PSD3: variants seen among roughly 807,000 people sequenced by gnomAD.
PSD3 encodes PH and SEC7 domain-containing protein 3.
PSD3 carries 49 observed loss-of-function variants against 105.5 expected under a neutral mutation model. That is an observed-to-expected ratio of 0.46 (90% CI 0.37 to 0.59). PSD3 has a LOEUF of 0.59. PSD3 is among the 20% of genes least tolerant of loss of function. The probability of loss-of-function intolerance (pLI) is 0.00; values close to 1 mark genes in which losing one functional copy is unlikely to be tolerated. For missense variants in PSD3, 1,561 were observed against 1,263.8 expected (o/e 1.24, Z -3.57); for synonymous variants, 557 against 457.8 (o/e 1.22, Z -2.77).
chr8:19,079,152 G>C (rs1005140785), intron 1 of PSD3, among the ~76,000 whole-genome samples: 8 of 152,076 alleles, frequency 5.3e-5, no homozygotes, highest in African/African-American at 1.9e-4. Context: ...AAAAGAGCAA[G>C]AGAACGTTGT....
intron 8 of PSD3, among the ~76,000 whole-genome samples, chr8:18,780,171 G>A (rs1209562408): frequency 6.6e-6 from 1 of 152,160 alleles, no homozygotes; most frequent in Non-Finnish European, 1.5e-5. Context: ...TACCATTATA[G>A]AATTACCTTC....
intron 1 of PSD3, among the ~76,000 whole-genome samples, chr8:19,067,876 T>G (rs187146794): frequency 6.6e-6 from 1 of 152,324 alleles, no homozygotes; most frequent in East Asian, 1.9e-4. Flanking sequence ...TATCTACCCA[T>G]GCACTCTATC....
chr8:19,009,045 T>G (rs1826833922), intron 1 of PSD3, among the ~76,000 whole-genome samples: 1 of 152,230 alleles, frequency 6.6e-6, no homozygotes, highest in Admixed American at 6.5e-5. Flanking sequence ...CCATTTTAAT[T>G]TGTTAATCTG....
At chr8:18,997,276 ATC>A (rs1051369789) in intron 1 of PSD3, among the ~76,000 whole-genome samples, 9 of 151,646 alleles carry the variant, frequency 5.9e-5, no homozygotes, top group African/African-American at 2.2e-4. Context: ...GCTTCTCCCT[ATC>A]TCAGTTAATG....
Position 18,836,039 on chromosome 8 carries a change from T to C in PSD3, c.1635-31141A>G, listed in dbSNP as rs569847108. Among the ~76,000 whole-genome samples the C allele has an allele frequency of 1.8e-4, 28 of 152,236 alleles. No individual in the cohort carries two copies. The South Asian group carries it at 5.6e-3, about 30-fold the overall frequency. On this transcript the variant is annotated intron_variant, in intron 4 of 15. Transcript: ENST00000327040. ...CTGGATCACTTGAATGAGAGTAGCA[T>C]TCAGAGTGGTAACACAGTTGAGATA...
chr8:18,750,876 A>G (rs1805426048), intron 9 of PSD3, among the ~76,000 whole-genome samples: 1 of 151,888 alleles, frequency 6.6e-6, no homozygotes, highest in South Asian at 2.1e-4. Flanking sequence ...GTATTTACAA[A>G]CCTTGAGCTA....
At chr8:18,676,634 G>C (rs1249489598) in intron 9 of PSD3, among the ~76,000 whole-genome samples, 1 of 152,218 alleles carries the variant, frequency 6.6e-6, no homozygotes, top group South Asian at 2.1e-4. Context: ...GGCCAGACCA[G>C]CGAGGAGCCC....
At chr8:18,820,636 G>A (rs955794361) in intron 4 of PSD3, among the ~76,000 whole-genome samples, 2 of 148,122 alleles carry the variant, frequency 1.4e-5, no homozygotes, top group Non-Finnish European at 3.0e-5. Context: ...TCTCAGTAGA[G>A]ATGCAACCAT....
intron 2 of PSD3, among the ~76,000 whole-genome samples, chr8:18,910,247 A>T (rs1820120861): frequency 6.7e-6 from 1 of 148,632 alleles, no homozygotes; most frequent in Non-Finnish European, 1.5e-5. Context: ...CAAATGTCCA[A>T]CAATGATAGA....
intron 11 of PSD3, among the ~76,000 whole-genome samples, chr8:18,609,130 G>A (rs1483967545): frequency 6.6e-6 from 1 of 151,508 alleles, no homozygotes; most frequent in Non-Finnish European, 1.5e-5. Context: ...CTGTTGTCTT[G>A]AAAATATTCT....
intron 1 of PSD3, among the ~76,000 whole-genome samples, chr8:19,028,649 A>G (rs73594684): frequency 0.021 from 3,260 of 152,140 alleles, 122 homozygotes; most frequent in African/African-American, 0.075. Flanking sequence ...CTTGCCATTT[A>G]GTTTCTTGGG....
At chr8:18,671,087 G>A (rs7830677) in intron 9 of PSD3, among the ~76,000 whole-genome samples, 10,178 of 152,228 alleles carry the variant, frequency 0.067, 745 homozygotes, top group African/African-American at 0.17. Flanking sequence ...AAGGGCTTCA[G>A]TGAGGACGAT....
intron 8 of PSD3, among the ~76,000 whole-genome samples, chr8:18,795,595 A>G (rs1245405251): frequency 1.3e-5 from 2 of 152,158 alleles, no homozygotes; most frequent in Admixed American, 6.5e-5. Flanking sequence ...CCAGCTGACT[A>G]TGCTCTGATC....
intron 15 of PSD3, among the ~76,000 whole-genome samples, chr8:18,542,180 G>A (rs185524462): frequency 6.6e-6 from 1 of 152,248 alleles, no homozygotes; most frequent in African/African-American, 2.4e-5. Context: ...TAATTACTAG[G>A]TCTCATTACA....
intron 11 of PSD3, among the ~76,000 whole-genome samples, chr8:18,620,424 G>C (rs77130008): frequency 1.5e-3 from 220 of 150,976 alleles, no homozygotes; most frequent in African/African-American, 4.8e-3. Flanking sequence ...TATGGAGTTT[G>C]GAGGGCCAGG....
intron 1 of PSD3, among the ~76,000 whole-genome samples, chr8:19,067,787 C>A (rs1372633909): frequency 2.0e-5 from 3 of 152,228 alleles, no homozygotes; most frequent in Non-Finnish European, 4.4e-5. Flanking sequence ...CCCACTGGAG[C>A]CAACTGGGTG....
At chr8:18,556,059 G>A (rs1801050716) in intron 15 of PSD3, 150 bp downstream of exon 15, 10 of 811,048 alleles carry the variant, frequency 1.2e-5, no homozygotes, top group Non-Finnish European at 1.7e-5. Flanking sequence ...AAACAAGAGG[G>A]GCCACCATGA....
At chr8:18,763,646 A>AGAAAGGGAG (rs1371975417) in intron 9 of PSD3, among the ~76,000 whole-genome samples, 16 of 152,200 alleles carry the variant, frequency 1.1e-4, no homozygotes, top group Non-Finnish European at 2.2e-4. Context: ...GAAGGCAGGA[A>AGAAAGGGAG]GAAAGGGAGG....
intron 1 of PSD3, among the ~76,000 whole-genome samples, chr8:19,008,272 C>G (rs927759833): frequency 5.9e-5 from 9 of 152,212 alleles, no homozygotes; most frequent in African/African-American, 2.2e-4. Flanking sequence ...GCTATTCAAA[C>G]AAAGTTTCAG....
Sources: allele counts gnomAD v4.1 joint callset (sites outside exome capture counted in the v4.1 genomes callset), GRCh38; gene constraint gnomAD v4.1.1; transcripts MANE v1.5; gene names NCBI Gene and HGNC (gene_info 2026-07-23, HGNC 2026-07-21).